RORA: variants seen among roughly 807,000 people sequenced by gnomAD.
The protein encoded by RORA is RAR related orphan receptor A.
In RORA, 7 loss-of-function variants were observed where a neutral mutation model predicts 69.5. The observed-to-expected ratio is 0.10, with a 90% CI of 0.06 to 0.19. RORA has a LOEUF of 0.19. Among genes scored for constraint, RORA ranks in the 10% least tolerant of loss-of-function variants. The probability of loss-of-function intolerance (pLI) is 1.00; values close to 1 mark genes in which losing one functional copy is unlikely to be tolerated. For missense variants in RORA, 457 were observed against 663.0 expected (o/e 0.69, Z 3.41); for synonymous variants, 261 against 240.8 (o/e 1.08, Z -0.78).
chr15:60,965,949 CA>C (rs1199755048), intron 1 of RORA, among the ~76,000 whole-genome samples: 1 of 152,158 alleles, frequency 6.6e-6, no homozygotes, highest in Non-Finnish European at 1.5e-5. Flanking sequence ...TAGAGTATGG[CA>C]GCCATAACCA....
chr15:61,085,259 C>T (rs1166172588), intron 1 of RORA, among the ~76,000 whole-genome samples: 1 of 152,204 alleles, frequency 6.6e-6, no homozygotes, highest in Non-Finnish European at 1.5e-5. Context: ...ACTGACATCC[C>T]CACAGCATAC....
chr15:60,784,309 T>C (rs1177547289), intron 1 of RORA, among the ~76,000 whole-genome samples: 1 of 152,228 alleles, frequency 6.6e-6, no homozygotes, highest in Non-Finnish European at 1.5e-5. Context: ...TCCCCAAATG[T>C]TACTGAAATC....
intron 1 of RORA, among the ~76,000 whole-genome samples, chr15:60,712,970 T>C (rs985261544): frequency 1.3e-4 from 20 of 152,262 alleles, no homozygotes; most frequent in African/African-American, 4.6e-4. Context: ...AGCGAATACT[T>C]TGAACCTGGG....
intron 1 of RORA, among the ~76,000 whole-genome samples, chr15:60,798,556 A>G (rs1037481597): frequency 1.3e-5 from 2 of 151,948 alleles, no homozygotes; most frequent in Admixed American, 1.3e-4. Context: ...AGAAGCAAGT[A>G]TTCACCACCA....
chr15:60,952,467 A>T (rs940570628), intron 1 of RORA, among the ~76,000 whole-genome samples: 12 of 151,902 alleles, frequency 7.9e-5, no homozygotes, highest in African/African-American at 2.9e-4. Context: ...AAGGAAATAA[A>T]GGGTATTCAA....
chr15:60,813,261 G>A (rs2072768121), intron 1 of RORA, among the ~76,000 whole-genome samples: 1 of 152,228 alleles, frequency 6.6e-6, no homozygotes, highest in African/African-American at 2.4e-5. Flanking sequence ...GAGCAGACAG[G>A]TTGGTGAGGG....
At chr15:60,643,674 C>A (rs2069985580) in intron 2 of RORA, among the ~76,000 whole-genome samples, 1 of 152,164 alleles carries the variant, frequency 6.6e-6, no homozygotes, top group Non-Finnish European at 1.5e-5. Context: ...CTAGCCTGAC[C>A]CCTCTTTTCT....
intron 2 of RORA, among the ~76,000 whole-genome samples, chr15:60,642,297 T>C (rs972604903): frequency 6.6e-6 from 1 of 152,070 alleles, no homozygotes; most frequent in African/African-American, 2.4e-5. Context: ...AGAGACCTGA[T>C]AGTTGTCAAT....
At chr15:61,087,931 A>T (rs1369097013) in intron 1 of RORA, among the ~76,000 whole-genome samples, 4 of 152,228 alleles carry the variant, frequency 2.6e-5, no homozygotes, top group Admixed American at 2.6e-4. Flanking sequence ...GTCTTCTGTT[A>T]GCAAGTCATT....
chr15:60,998,318 C>A (rs972251540), intron 1 of RORA, among the ~76,000 whole-genome samples: 3 of 151,928 alleles, frequency 2.0e-5, no homozygotes, highest in African/African-American at 7.3e-5. Context: ...CATGTAATAC[C>A]ACACCTGGCT....
chr15:61,196,107 T>A (rs947575410), intron 1 of RORA, among the ~76,000 whole-genome samples: 13 of 152,230 alleles, frequency 8.5e-5, no homozygotes, highest in Admixed American at 6.5e-4. Flanking sequence ...TGCACCAACC[T>A]AATAGTAAAC....
intron 1 of RORA, among the ~76,000 whole-genome samples, chr15:60,727,381 C>T (rs1166051415): frequency 6.6e-6 from 1 of 152,170 alleles, no homozygotes; most frequent in Non-Finnish European, 1.5e-5. Context: ...GATTTACCTA[C>T]ACTCCTAGGG....
Position 60,655,151 on chromosome 15 carries a change from C to T in RORA, c.196+23506G>A, listed in dbSNP as rs113363777. Among the ~76,000 whole-genome samples, 737 of 152,186 alleles carry T rather than the reference C, an allele frequency of 4.8e-3. 3 individuals are homozygous for T. Among genetic ancestry groups the T allele is most frequent in the African/African-American group, 0.017 (695 of 41,504 alleles). On this transcript the variant is annotated intron_variant, in intron 2 of 10. Coordinates refer to ENST00000335670, the MANE Select transcript of RORA (RefSeq NM_134261.3). The stretch of plus-strand genomic sequence containing the variant: ...TCATGAGAATGGAATGTACCAAATT[C>T]ATGGCAACTTTTTAAATTTTTATTT...
intron 1 of RORA, 148 bp downstream of exon 1, chr15:61,228,905 G>T: frequency 6.0e-6 from 1 of 166,708 alleles, no homozygotes; most frequent in Non-Finnish European, 1.2e-5. Context: ...GGAGGGGGGA[G>T]GGGAGGGGGG....
intron 1 of RORA, among the ~76,000 whole-genome samples, chr15:60,726,917 A>G (rs1244881186): frequency 1.3e-5 from 2 of 152,220 alleles, no homozygotes; most frequent in Non-Finnish European, 2.9e-5. Context: ...CCTCAATAGA[A>G]AGAACACTAA....
intron 2 of RORA, among the ~76,000 whole-genome samples, chr15:60,647,350 A>C (rs906195534): frequency 6.6e-6 from 1 of 152,202 alleles, no homozygotes; most frequent in African/African-American, 2.4e-5. Context: ...GAAAAGACAG[A>C]GACTTATGAA....
chr15:61,190,062 G>A (rs1696396273), intron 1 of RORA, among the ~76,000 whole-genome samples: 2 of 151,946 alleles, frequency 1.3e-5, no homozygotes, highest in South Asian at 4.1e-4. Context: ...GGCCTGAAGT[G>A]AAGCTCATTA....
intron 1 of RORA, among the ~76,000 whole-genome samples, chr15:60,697,001 C>A (rs1275928997): frequency 6.6e-6 from 1 of 152,052 alleles, no homozygotes; most frequent in Non-Finnish European, 1.5e-5. Context: ...AGGTAAATAT[C>A]ACCTGCATTT....
At chr15:60,842,888 G>A (rs1334350392) in intron 1 of RORA, among the ~76,000 whole-genome samples, 2 of 152,306 alleles carry the variant, frequency 1.3e-5, no homozygotes, top group South Asian at 2.1e-4. Context: ...GGCAGTGAGT[G>A]CCAGCCCGCC....
Sources: allele counts gnomAD v4.1 joint callset (sites outside exome capture counted in the v4.1 genomes callset), GRCh38; gene constraint gnomAD v4.1.1; transcripts MANE v1.5; gene names NCBI Gene and HGNC (gene_info 2026-07-23, HGNC 2026-07-21).